The following IMMP2L variants were observed in gnomAD, a reference collection of about 807,000 sequenced individuals.
The protein encoded by IMMP2L is mitochondrial inner membrane protease subunit 2.
In IMMP2L, 18 loss-of-function variants were observed where a neutral mutation model predicts 19.3. That is an observed-to-expected ratio of 0.93 (90% CI 0.64 to 1.38). IMMP2L has a LOEUF of 1.38. IMMP2L is among the 40% of genes most tolerant of loss of function. The pLI is 0.00. For synonymous variants in IMMP2L, 76 were observed against 73.0 expected, an observed-to-expected ratio of 1.04 and a Z score of -0.21; for missense variants, 233 against 218.2, an observed-to-expected ratio of 1.07 and a Z score of -0.43.
At chr7:110,987,849 C>G (rs1356756532) in intron 3 of IMMP2L, among the ~76,000 whole-genome samples, 1 of 152,112 alleles carries the variant, frequency 6.6e-6, no homozygotes, top group East Asian at 1.9e-4. Context: ...ATTAAAATTG[C>G]ATTTGTTACT....
chr7:111,389,684 T>C (rs1832143699), intron 3 of IMMP2L, among the ~76,000 whole-genome samples: 1 of 152,146 alleles, frequency 6.6e-6, no homozygotes, highest in Non-Finnish European at 1.5e-5. Flanking sequence ...CTTTGTACTA[T>C]TCTTGCAATG....
At chr7:110,876,843 T>C (rs544565912) in intron 5 of IMMP2L, among the ~76,000 whole-genome samples, 1 of 152,228 alleles carries the variant, frequency 6.6e-6, no homozygotes, top group East Asian at 1.9e-4. Context: ...CTTATTACTC[T>C]CCTGTTCCAA....
chr7:111,538,684 C>G (rs1184116317), intron 1 of IMMP2L, among the ~76,000 whole-genome samples: 1 of 150,442 alleles, frequency 6.6e-6, no homozygotes, highest in African/African-American at 2.5e-5. Context: ...GTGGCACATG[C>G]CTGTGCTCCC....
chr7:111,396,930 A>G (rs1832930170), intron 3 of IMMP2L, among the ~76,000 whole-genome samples: 1 of 151,958 alleles, frequency 6.6e-6, no homozygotes, highest in Admixed American at 6.6e-5. Flanking sequence ...TAAAAATACA[A>G]AAACAAAATT....
chr7:111,503,182 A>G (rs989536315), intron 2 of IMMP2L, among the ~76,000 whole-genome samples: 2 of 152,202 alleles, frequency 1.3e-5, no homozygotes, highest in Admixed American at 1.3e-4. Flanking sequence ...ATCAGAGAAT[A>G]CTACAAACAC....
At chr7:111,106,256 G>A (rs1563248579) in intron 3 of IMMP2L, among the ~76,000 whole-genome samples, 2 of 151,892 alleles carry the variant, frequency 1.3e-5, no homozygotes, top group African/African-American at 4.8e-5. Context: ...TCAAAGCCCT[G>A]AATGTGGAAC....
At chr7:111,285,632 T>C (rs1050191284) in intron 3 of IMMP2L, among the ~76,000 whole-genome samples, 3 of 152,168 alleles carry the variant, frequency 2.0e-5, no homozygotes, top group African/African-American at 7.2e-5. Context: ...AGTATTCCCC[T>C]GGTCAAATCC....
At chr7:110,754,011 A>G (rs1329067914) in intron 5 of IMMP2L, among the ~76,000 whole-genome samples, 2 of 151,996 alleles carry the variant, frequency 1.3e-5, no homozygotes, top group Non-Finnish European at 2.9e-5. Flanking sequence ...CAAAATCTGC[A>G]TAGTTTGAAA....
intron 4 of IMMP2L, among the ~76,000 whole-genome samples, chr7:110,926,064 G>A (rs1316370119): frequency 1.3e-5 from 2 of 151,944 alleles, no homozygotes; most frequent in African/African-American, 4.8e-5. Context: ...CCCTAGAGTA[G>A]CCTCTGTATA....
At chr7:111,044,706 C>A (rs553174798) in intron 3 of IMMP2L, among the ~76,000 whole-genome samples, 1 of 152,114 alleles carries the variant, frequency 6.6e-6, no homozygotes, top group Non-Finnish European at 1.5e-5. Flanking sequence ...ACAACACTAA[C>A]GCAAAAATGG....
At chr7:110,807,868 G>C (rs1801738450) in intron 5 of IMMP2L, among the ~76,000 whole-genome samples, 1 of 151,998 alleles carries the variant, frequency 6.6e-6, no homozygotes, top group Non-Finnish European at 1.5e-5. Context: ...ATACAAGTCA[G>C]AAGAAATCAG....
At chr7:110,926,705 T>C (rs1487200054) in intron 4 of IMMP2L, among the ~76,000 whole-genome samples, 1 of 152,184 alleles carries the variant, frequency 6.6e-6, no homozygotes, top group Non-Finnish European at 1.5e-5. Context: ...GAATGATTTT[T>C]TTCCTGAAAC....
At chr7:111,333,939 C>A (rs1826135351) in intron 3 of IMMP2L, among the ~76,000 whole-genome samples, 1 of 151,976 alleles carries the variant, frequency 6.6e-6, no homozygotes, top group African/African-American at 2.4e-5. Context: ...CTTATTAGTT[C>A]TCTCCCTCTA....
chr7:111,419,346 T>C lies in IMMP2L; in HGVS notation c.239+67892A>G, dbSNP rs890729010. 1.8e-4 allele frequency among the ~76,000 whole-genome samples: 28 copies of C among 151,740 alleles called. 2 individuals are homozygous for C. The highest frequency in any genetic ancestry group is 6.8e-4 in the African/African-American group (28 of 41,070). ...TTACACTTTTACTAAAGATTTTTTT[T>C]AAAAGGAAGAAAAAATTTCTTACCT... is the stretch of plus-strand genomic sequence containing the variant. On this transcript the variant is annotated intron_variant, in intron 3 of 5. Transcript: ENST00000405709.
intron 1 of IMMP2L, among the ~76,000 whole-genome samples, chr7:111,544,917 C>A (rs1021536828): frequency 8.0e-5 from 12 of 150,934 alleles, no homozygotes; most frequent in Non-Finnish European, 1.5e-4. Context: ...CCAAACAAAA[C>A]AAAAGTGAGA....
chr7:110,919,507 G>A (rs539230024), intron 4 of IMMP2L, among the ~76,000 whole-genome samples: 1 of 152,160 alleles, frequency 6.6e-6, no homozygotes, highest in South Asian at 2.1e-4. Flanking sequence ...TAATTCTATG[G>A]AGCAATGCGG....
At chr7:111,435,497 T>C (rs1342362495) in intron 3 of IMMP2L, among the ~76,000 whole-genome samples, 1 of 151,216 alleles carries the variant, frequency 6.6e-6, no homozygotes, top group Non-Finnish European at 1.5e-5. Flanking sequence ...ACATACAGAG[T>C]GGAACAATGG....
chr7:111,049,014 A>G (rs1792724326), intron 3 of IMMP2L, among the ~76,000 whole-genome samples: 2 of 151,996 alleles, frequency 1.3e-5, no homozygotes, highest in Admixed American at 1.3e-4. Context: ...ACTTAAATAT[A>G]TACCATTTTA....
chr7:111,154,570 A>G (rs2129603996), intron 3 of IMMP2L, among the ~76,000 whole-genome samples: 1 of 152,238 alleles, frequency 6.6e-6, no homozygotes, highest in Admixed American at 6.5e-5. Flanking sequence ...GAAAACCAAT[A>G]CTGGTTAAAC....
Sources: gnomAD v4.1 joint callset for allele counts (sites outside exome capture counted in the v4.1 genomes callset) on GRCh38, gnomAD v4.1.1 for gene constraint, MANE v1.5 for transcripts, NCBI Gene and HGNC (gene_info 2026-07-23, HGNC 2026-07-21) for gene names.